CRACD: variants seen among roughly 807,000 people sequenced by gnomAD.
The protein encoded by CRACD is capping protein-inhibiting regulator of actin dynamics.
A neutral mutation model predicts 106.8 loss-of-function variants in CRACD; 56 were observed. The ratio of observed to expected loss-of-function variants is 0.52; its 90% CI spans 0.42 to 0.66. The LOEUF (loss-of-function observed/expected upper bound fraction) is 0.66. Among genes scored for constraint, CRACD ranks in the 30% least tolerant of loss-of-function variants. The probability of loss-of-function intolerance (pLI) is 0.00; values close to 1 mark genes in which losing one functional copy is unlikely to be tolerated. For missense variants in CRACD, 1,730 were observed against 1,623.2 expected (o/e 1.07, Z -1.13); for synonymous variants, 754 against 670.8 (o/e 1.12, Z -1.92).
intron 2 of CRACD, among the ~76,000 whole-genome samples, chr4:56,239,967 T>TA (rs1230542169): frequency 6.6e-6 from 1 of 152,154 alleles, no homozygotes; most frequent in Non-Finnish European, 1.5e-5. Flanking sequence ...GAGGAATGAT[T>TA]AAGCCTATGA....
At chr4:56,243,668 AT>A (rs1331418484) in intron 2 of CRACD, among the ~76,000 whole-genome samples, 1 of 152,008 alleles carries the variant, frequency 6.6e-6, no homozygotes, top group East Asian at 1.9e-4. Flanking sequence ...AGGTGTATAT[AT>A]TTTTGGGGTA....
intron 1 of CRACD, among the ~76,000 whole-genome samples, chr4:56,141,807 C>T (rs1351173570): frequency 6.7e-6 from 1 of 150,004 alleles, no homozygotes; most frequent in Non-Finnish European, 1.5e-5. Context: ...GATCCTCCCT[C>T]CTTAGCCTCC....
intron 1 of CRACD, among the ~76,000 whole-genome samples, chr4:56,116,768 C>T (rs969902890): frequency 3.3e-5 from 5 of 151,784 alleles, no homozygotes; most frequent in African/African-American, 1.2e-4. Flanking sequence ...GAGTGCGTGG[C>T]ACGATCTCGG....
chr4:56,125,388 T>C (rs1466857158), intron 1 of CRACD, among the ~76,000 whole-genome samples: 2 of 152,176 alleles, frequency 1.3e-5, no homozygotes, highest in African/African-American at 4.8e-5. Flanking sequence ...TTTATACTCA[T>C]GGATTTTAAA....
rs745489624 is a variant in CRACD, at chr4:56,315,338, G to A, written c.1836G>A (p.Gln612=). 2 of 1,613,874 alleles carry A rather than the reference G, an allele frequency of 1.2e-6. No individual in the cohort carries two copies. Among genetic ancestry groups the A allele is most frequent in the Non-Finnish European group, 1.7e-6 (2 of 1,179,972 alleles). Residue 612 remains glutamine, a synonymous_variant, in exon 8 of 11, where the codon CAG becomes CAA. Coordinates refer to ENST00000682029, the MANE Select transcript of CRACD (RefSeq NM_001393381.1). The surrounding 1 kb of genome is among the most constrained non-coding windows in gnomAD (Gnocchi z 4.1). ...GTGGCCCGGCAGTCAACCTGAGCCA[G>A]ATCAAGGACACCGCGTGCAAGTCCC... The part of the protein sequence containing the change: ...QLCGPAVNLS[Q]IKDTACKSLL...
intron 2 of CRACD, among the ~76,000 whole-genome samples, chr4:56,205,480 A>G (rs570821012): frequency 6.6e-6 from 1 of 152,082 alleles, no homozygotes; most frequent in African/African-American, 2.4e-5. Context: ...GCGTGCCCCG[A>G]TAAACTGTTC....
chr4:56,072,823 T>A (rs146997121), intron 1 of CRACD, among the ~76,000 whole-genome samples: 6 of 152,290 alleles, frequency 3.9e-5, no homozygotes, highest in African/African-American at 1.4e-4. Context: ...TTCTCATTGT[T>A]CAATTCCCAT....
At chr4:56,211,125 T>C (rs1056692373) in intron 2 of CRACD, among the ~76,000 whole-genome samples, 1 of 152,234 alleles carries the variant, frequency 6.6e-6, no homozygotes, top group Admixed American at 6.5e-5. Flanking sequence ...ATTTGTAACA[T>C]TCCATTGTAA....
intron 4 of CRACD, among the ~76,000 whole-genome samples, chr4:56,303,349 A>T (rs1744480344): frequency 7.6e-6 from 1 of 131,012 alleles, no homozygotes; most frequent in Admixed American, 7.3e-5. Context: ...CCTTTGTAGG[A>T]AAAAAAAAAA....
chr4:56,224,652 C>G (rs577629878), intron 2 of CRACD, among the ~76,000 whole-genome samples: 2 of 152,116 alleles, frequency 1.3e-5, no homozygotes, highest in African/African-American at 2.4e-5. Flanking sequence ...TTACACATGG[C>G]GGGTGGGAAT....
intron 10 of CRACD, among the ~76,000 whole-genome samples, chr4:56,326,268 AGG>A (rs1369956416): frequency 1.2e-4 from 4 of 34,578 alleles, no homozygotes; most frequent in Non-Finnish European, 2.2e-4. Context: ...TAAGAACCGC[AGG>A]CAGGCATTAT....
chr4:56,121,030 G>T (rs1734465863), intron 1 of CRACD, among the ~76,000 whole-genome samples: 1 of 152,114 alleles, frequency 6.6e-6, no homozygotes, highest in Non-Finnish European at 1.5e-5. Context: ...GAACAGAAGG[G>T]TATCAAAGAC....
intron 1 of CRACD, among the ~76,000 whole-genome samples, chr4:56,136,051 A>G (rs1377505312): frequency 6.6e-6 from 1 of 151,196 alleles, no homozygotes; most frequent in Non-Finnish European, 1.5e-5. Flanking sequence ...GCTTTTTTTC[A>G]CTCACCATGG....
intron 8 of CRACD, among the ~76,000 whole-genome samples, chr4:56,322,609 T>A (rs554067045): frequency 8.5e-5 from 13 of 152,332 alleles, no homozygotes; most frequent in African/African-American, 3.1e-4. Flanking sequence ...CTTCCCACAG[T>A]GTTCTTCAGC....
rs1167225661 is a variant in CRACD, at chr4:56,157,035, A to AGGGTATGATAAAGGT, written c.-335-22249_-335-22248insGGGTATGATAAAGGT. ...GTCAAATAAACTAGTAAATATGATAAACCTTGTGGAGAAAAAAATTAAAAA... is the reference window on the plus strand; with the variant it reads ...GTCAAATAAACTAGTAAATATGATAAGGGTATGATAAAGGTACCTTGTGGAGAAAAAAATTAAAAA... On this transcript the variant is annotated intron_variant, in intron 1 of 10. Coordinates refer to ENST00000682029, the MANE Select transcript of CRACD (RefSeq NM_001393381.1). Among the ~76,000 whole-genome samples, 1,043 of 152,346 alleles carry AGGGTATGATAAAGGT rather than the reference A, an allele frequency of 6.8e-3. 13 individuals are homozygous for AGGGTATGATAAAGGT. The highest frequency in any genetic ancestry group is 0.024 in the African/African-American group (1,000 of 41,578).
intron 2 of CRACD, among the ~76,000 whole-genome samples, chr4:56,265,744 A>C (rs1317686349): frequency 6.6e-6 from 1 of 152,220 alleles, no homozygotes; most frequent in Non-Finnish European, 1.5e-5. Context: ...GTACCAACCC[A>C]TAGGGCACAT....
intron 3 of CRACD, among the ~76,000 whole-genome samples, chr4:56,295,093 A>T (rs904787735): frequency 6.6e-6 from 1 of 151,938 alleles, no homozygotes; most frequent in East Asian, 1.9e-4. Context: ...AAAAGTAAAA[A>T]CAAAACAACA....
chr4:56,121,402 A>G (rs1456876906), intron 1 of CRACD, among the ~76,000 whole-genome samples: 1 of 152,172 alleles, frequency 6.6e-6, no homozygotes, highest in Admixed American at 6.5e-5. Context: ...CTGAGCCATC[A>G]TTGTTTATTT....
chr4:56,135,658 G>T (rs1449679878), intron 1 of CRACD, among the ~76,000 whole-genome samples: 1 of 152,196 alleles, frequency 6.6e-6, no homozygotes, highest in Non-Finnish European at 1.5e-5. Context: ...AAACGATGTT[G>T]TTGAGTGGGT....
Sources: allele counts gnomAD v4.1 joint callset (sites outside exome capture counted in the v4.1 genomes callset), GRCh38; gene constraint gnomAD v4.1.1; non-coding constraint Gnocchi (gnomAD v3.1); transcripts MANE v1.5; gene names NCBI Gene and HGNC (gene_info 2026-07-23, HGNC 2026-07-21).